The following AK5 variants were observed in gnomAD, a reference collection of about 807,000 sequenced individuals.
The protein encoded by AK5 is adenylate kinase isoenzyme 5.
A neutral mutation model predicts 69.5 loss-of-function variants in AK5; 27 were observed. The observed-to-expected ratio is 0.39, with a 90% CI of 0.29 to 0.54. AK5 has a LOEUF of 0.54. Among genes scored for constraint, AK5 ranks in the 20% least tolerant of loss-of-function variants. The probability of loss-of-function intolerance (pLI) is 0.71; values close to 1 mark genes in which losing one functional copy is unlikely to be tolerated. For synonymous variants in AK5, 260 were observed against 244.4 expected (o/e 1.06, Z -0.60); for missense variants, 531 against 700.4 (o/e 0.76, Z 2.73).
intron 1 of AK5, chr1:77,283,410 T>C (rs1259014049): frequency 1.0e-6 from 1 of 984,984 alleles, no homozygotes. Flanking sequence ...ACTGATATCG[T>C]AAACTAAAGG....
intron 8 of AK5, among the ~76,000 whole-genome samples, chr1:77,441,629 G>T (rs549362980): frequency 6.6e-6 from 1 of 152,344 alleles, no homozygotes; most frequent in South Asian, 2.1e-4. Context: ...AGCTGTAGTG[G>T]CAGTGTTTAT....
In AK5 at chr1:77,471,912, C is replaced by T. The variant is rs79905818; in HGVS notation, c.1060-11405C>T. On this transcript the variant is annotated intron_variant, in intron 8 of 13. Transcript: ENST00000354567. ...GCCAGATTCTTAAGAGAATGCTGAA[C>T]TGGAGTTCTCCAAAGCTCTACAAAC... Among the ~76,000 whole-genome samples the T allele has an allele frequency of 5.5e-3, 840 of 152,304 alleles. 8 individuals are homozygous for T. The highest frequency in any genetic ancestry group is 0.019 in the African/African-American group (806 of 41,552).
chr1:77,314,810 A>C (rs1445977359), intron 5 of AK5: 1 of 152,180 alleles, frequency 6.6e-6, no homozygotes, highest in Non-Finnish European at 1.5e-5. Flanking sequence ...TGAATGGGAG[A>C]GAGGCGAACA....
intron 12 of AK5, among the ~76,000 whole-genome samples, chr1:77,533,921 C>G (rs576997609): frequency 6.6e-6 from 1 of 152,218 alleles, no homozygotes; most frequent in East Asian, 1.9e-4. Context: ...AAACCCTCAC[C>G]CAGCCTTTCT....
intron 5 of AK5, among the ~76,000 whole-genome samples, chr1:77,306,494 G>A (rs7416385): frequency 8.3e-6 from 1 of 120,366 alleles, no homozygotes; most frequent in African/African-American, 3.1e-5. Flanking sequence ...GTTTTTTTTT[G>A]TTTTTTTTTT....
intron 10 of AK5, among the ~76,000 whole-genome samples, chr1:77,496,933 G>A (rs1656350736): frequency 6.6e-6 from 1 of 152,192 alleles, no homozygotes; most frequent in Non-Finnish European, 1.5e-5. Context: ...CTGTAAAATG[G>A]ACCAATCAGC....
At chr1:77,296,608 T>C (rs775272778) in intron 3 of AK5, among the ~76,000 whole-genome samples, 1 of 152,176 alleles carries the variant, frequency 6.6e-6, no homozygotes, top group Admixed American at 6.5e-5. Context: ...TGTGGAAATA[T>C]AGTTTCTGAA....
rs1650102643 is a variant in AK5, at chr1:77,412,370, C to T, written c.982+1299C>T. On this transcript the variant is annotated intron_variant, in intron 7 of 13. Coordinates refer to ENST00000354567, the MANE Select transcript of AK5 (RefSeq NM_174858.3). Reference sequence around the variant, plus strand: ...CTTAACAGCAGTTTCCAGGTGTCTACTTTCTCCTCTCTGTACCTCAGAGCT... The same window carrying T: ...CTTAACAGCAGTTTCCAGGTGTCTATTTTCTCCTCTCTGTACCTCAGAGCT... 4.6e-5 allele frequency among the ~76,000 whole-genome samples: 7 copies of T among 152,288 alleles called. 1 individual carries two copies. The South Asian group carries it at 1.2e-3, about 27-fold the overall frequency.
intron 6 of AK5, among the ~76,000 whole-genome samples, chr1:77,382,634 G>A (rs1240634453): frequency 6.6e-6 from 1 of 152,202 alleles, no homozygotes; most frequent in Non-Finnish European, 1.5e-5. Flanking sequence ...ACAGGCATAA[G>A]CCAGTGCGCC....
At chr1:77,388,269 G>A (rs1003734873) in intron 6 of AK5, among the ~76,000 whole-genome samples, 4 of 152,102 alleles carry the variant, frequency 2.6e-5, no homozygotes, top group Admixed American at 6.6e-5. Context: ...ACTGGTCTCC[G>A]TAGTGACATG....
At chr1:77,306,893 G>T (rs755348055) in intron 5 of AK5, among the ~76,000 whole-genome samples, 46 of 151,916 alleles carry the variant, frequency 3.0e-4, no homozygotes, top group Non-Finnish European at 6.0e-4. Flanking sequence ...GCTCATATCA[G>T]CCACTAATGA....
chr1:77,520,638 A>G (rs1657927733), intron 11 of AK5, among the ~76,000 whole-genome samples: 1 of 152,208 alleles, frequency 6.6e-6, no homozygotes, highest in Non-Finnish European at 1.5e-5. Flanking sequence ...TCTCCACTTC[A>G]GTGTTACACT....
At chr1:77,483,195 A>G (rs2100722463) in intron 8 of AK5, 122 bp from the exon 9 acceptor site, 2 of 707,820 alleles carry the variant, frequency 2.8e-6, no homozygotes, top group African/African-American at 1.8e-5. Flanking sequence ...TGTCCCTCAT[A>G]AAATTGTTTG....
chr1:77,511,388 A>G (rs557098942), intron 10 of AK5, among the ~76,000 whole-genome samples: 1 of 152,364 alleles, frequency 6.6e-6, no homozygotes, highest in South Asian at 2.1e-4. Flanking sequence ...GCTAAATGGC[A>G]TAAAGTTTTC....
chr1:77,310,546 A>T (rs953267898), intron 5 of AK5, among the ~76,000 whole-genome samples: 6 of 151,276 alleles, frequency 4.0e-5, no homozygotes, highest in African/African-American at 1.5e-4. Context: ...CGCCCGGCTA[A>T]TTTTTTTTGT....
chr1:77,336,654 C>T (rs1417689345), intron 5 of AK5, among the ~76,000 whole-genome samples: 1 of 152,054 alleles, frequency 6.6e-6, no homozygotes. Context: ...CTTACTATTG[C>T]CAGTGAGTTT....
At chr1:77,427,610 T>G (rs1651299293) in intron 8 of AK5, among the ~76,000 whole-genome samples, 1 of 152,190 alleles carries the variant, frequency 6.6e-6, no homozygotes, top group South Asian at 2.1e-4. Flanking sequence ...ATTTTCTAAC[T>G]CATTCTATGA....
At chr1:77,502,714 A>G (rs928391875) in intron 10 of AK5, among the ~76,000 whole-genome samples, 3 of 152,190 alleles carry the variant, frequency 2.0e-5, no homozygotes, top group African/African-American at 7.2e-5. Flanking sequence ...GCTGTTACCA[A>G]CTATGTCCAT....
Position 77,293,939 on chromosome 1 carries a change from C to A in AK5, c.394C>A (p.Pro132Thr), listed in dbSNP as rs1570324610. 6.2e-7 allele frequency: 1 copy of A among 1,609,872 alleles called. No homozygotes were observed. The highest frequency in any genetic ancestry group is 8.5e-7 in the Non-Finnish European group (1 of 1,178,590). The change falls in exon 3 of 14, where the codon CCA becomes ACA. Residue 132 changes from proline (P) to threonine (T), a missense_variant. Pro to Thr is a conservative substitution (Grantham distance 38). Coordinates refer to ENST00000354567, the MANE Select transcript of AK5 (RefSeq NM_174858.3). The stretch of plus-strand genomic sequence containing the variant: ...GGTTTTTGATCCTACCAGACCTCGA[C>A]CAAAAATCATTCTTGTTATAGGTAT... ...YEVFDPTRPRPKIILVIGGPG... is the reference protein window; with the variant it reads ...YEVFDPTRPRTKIILVIGGPG...
Sources: allele counts gnomAD v4.1 joint callset (sites outside exome capture counted in the v4.1 genomes callset), GRCh38; gene constraint gnomAD v4.1.1; transcripts MANE v1.5; gene names NCBI Gene and HGNC (gene_info 2026-07-23, HGNC 2026-07-21).